EYS: variants seen among roughly 807,000 people sequenced by gnomAD.
EYS encodes EGF-like photoreceptor maintenance factor.
In EYS, 250 loss-of-function variants were observed where a neutral mutation model predicts 282.1. The ratio of observed to expected loss-of-function variants is 0.89; its 90% CI spans 0.80 to 0.98. The LOEUF is 0.98. EYS is among the 50% of genes least tolerant of loss of function. The pLI, the probability that EYS is intolerant of heterozygous loss-of-function variation, is 0.00. For missense variants in EYS, 4,016 were observed against 3,709.0 expected (o/e 1.08, Z -2.15); for synonymous variants, 1,355 against 1,282.9 (o/e 1.06, Z -1.20).
At chr6:63,870,249 C>T (rs1772768754) in intron 35 of EYS, among the ~76,000 whole-genome samples, 1 of 152,152 alleles carries the variant, frequency 6.6e-6, no homozygotes, top group South Asian at 2.1e-4. Context: ...AGCAAAGTGC[C>T]ATTTCACCCA....
At chr6:64,875,481 G>A (rs1197162988) in intron 19 of EYS, among the ~76,000 whole-genome samples, 1 of 152,060 alleles carries the variant, frequency 6.6e-6, no homozygotes, top group Non-Finnish European at 1.5e-5. Flanking sequence ...GAAATGAGCA[G>A]TTCTGAGTGG....
rs554830698 is a variant in EYS at position 64,101,644 on chromosome 6, T to C, written c.6425-19642A>G. 3.9e-4 allele frequency among the ~76,000 whole-genome samples: 59 copies of C among 151,024 alleles called. 1 individual carries two copies. The highest frequency in any genetic ancestry group is 9.8e-4 in the Admixed American group (15 of 15,250). On this transcript the variant is annotated intron_variant, in intron 31 of 42. Coordinates refer to ENST00000503581, the MANE Select transcript of EYS (RefSeq NM_001142800.2). ...GTAGAGTAATAGTCTAATAGTCTAG[T>C]TCCCATTTTTTTTGGCACCAGAGAC...
At chr6:64,671,475 T>C (rs367672856) in intron 22 of EYS, among the ~76,000 whole-genome samples, 20 of 152,270 alleles carry the variant, frequency 1.3e-4, no homozygotes, top group African/African-American at 4.8e-4. Context: ...AACAAATTTC[T>C]GTTGTTTATA....
chr6:65,218,457 G>C (rs2150257124), intron 12 of EYS, among the ~76,000 whole-genome samples: 2 of 152,218 alleles, frequency 1.3e-5, no homozygotes, highest in Middle Eastern at 6.8e-3. Context: ...TTTTGGATAT[G>C]TGAGTTTCTT....
At chr6:65,586,007 C>G (rs1412155169) in intron 2 of EYS, among the ~76,000 whole-genome samples, 1 of 151,902 alleles carries the variant, frequency 6.6e-6, no homozygotes, top group Non-Finnish European at 1.5e-5. Flanking sequence ...GGAGGAAAAT[C>G]AATATTTAAT....
intron 12 of EYS, among the ~76,000 whole-genome samples, chr6:65,088,727 G>A (rs1774459853): frequency 6.6e-6 from 1 of 152,138 alleles, no homozygotes; most frequent in African/African-American, 2.4e-5. Context: ...CCAAGACAAT[G>A]GGGTAACGTC....
chr6:65,653,857 T>A (rs1767734613), intron 1 of EYS, among the ~76,000 whole-genome samples: 1 of 151,888 alleles, frequency 6.6e-6, no homozygotes, highest in African/African-American at 2.4e-5. Context: ...ACATCTCACA[T>A]CCTTTGTGTC....
At chr6:65,442,186 A>C (rs2150393209) in intron 5 of EYS, among the ~76,000 whole-genome samples, 1 of 152,056 alleles carries the variant, frequency 6.6e-6, no homozygotes, top group South Asian at 2.1e-4. Context: ...ATATATGAAA[A>C]TTTCTAGCTC....
intron 31 of EYS, among the ~76,000 whole-genome samples, chr6:64,092,754 C>T (rs796304444): frequency 0.03 from 4,441 of 148,714 alleles, 222 homozygotes; most frequent in African/African-American, 0.1. Context: ...GCTCTTTAGT[C>T]TAATTAGATC....
At chr6:65,619,524 T>C (rs966981015) in intron 2 of EYS, among the ~76,000 whole-genome samples, 9 of 152,176 alleles carry the variant, frequency 5.9e-5, no homozygotes, top group African/African-American at 2.2e-4. Flanking sequence ...CTTCCTCTTT[T>C]CCTAATTGAA....
intron 16 of EYS, among the ~76,000 whole-genome samples, chr6:64,906,024 T>C (rs954175026): frequency 6.6e-6 from 1 of 151,490 alleles, no homozygotes; most frequent in Non-Finnish European, 1.5e-5. Context: ...ATCTAATTTC[T>C]CTGGATTTAA....
chr6:64,772,805 C>G (rs1402251605), intron 22 of EYS, among the ~76,000 whole-genome samples: 1 of 151,598 alleles, frequency 6.6e-6, no homozygotes, highest in Non-Finnish European at 1.5e-5. Context: ...AACATTATGT[C>G]TTTTAGTTTC....
chr6:65,218,435 G>A (rs1766373482), intron 12 of EYS, among the ~76,000 whole-genome samples: 1 of 152,062 alleles, frequency 6.6e-6, no homozygotes, highest in Non-Finnish European at 1.5e-5. Flanking sequence ...TTTTTTGAAT[G>A]TATGATTTTG....
intron 32 of EYS, 26 bp downstream of exon 32, chr6:64,081,830 C>A (rs1338213989): frequency 7.0e-7 from 1 of 1,435,892 alleles, no homozygotes; most frequent in Non-Finnish European, 9.4e-7. Flanking sequence ...ACATGACATA[C>A]AAGAAGTCAA....
chr6:65,387,153 T>G (rs1765830943), intron 7 of EYS, among the ~76,000 whole-genome samples: 1 of 151,998 alleles, frequency 6.6e-6, no homozygotes. Context: ...AAGCCAACAT[T>G]CATTAGTTAA....
At chr6:64,251,099 T>C (rs1767198091) in intron 30 of EYS, among the ~76,000 whole-genome samples, 1 of 152,172 alleles carries the variant, frequency 6.6e-6, no homozygotes, top group Non-Finnish European at 1.5e-5. Flanking sequence ...TATGAACGTT[T>C]ATTAATGGCT....
At chr6:64,924,628 CT>C (rs1168804791) in intron 15 of EYS, among the ~76,000 whole-genome samples, 9 of 152,188 alleles carry the variant, frequency 5.9e-5, no homozygotes, top group Non-Finnish European at 5.9e-5. Context: ...CCCAAGTCAC[CT>C]CTTGAATGCC....
intron 22 of EYS, among the ~76,000 whole-genome samples, chr6:64,665,490 A>T (rs190475659): frequency 3.7e-4 from 57 of 152,326 alleles, no homozygotes; most frequent in Non-Finnish European, 6.0e-4. Context: ...AAACAGCCCT[A>T]GTCACCATTA....
intron 29 of EYS, among the ~76,000 whole-genome samples, chr6:64,345,352 G>C (rs1021629966): frequency 7.2e-5 from 11 of 151,994 alleles, no homozygotes; most frequent in African/African-American, 2.7e-4. Context: ...CCAAAACAGA[G>C]ATGTAGACCA....
Sources: allele counts gnomAD v4.1 joint callset (sites outside exome capture counted in the v4.1 genomes callset), GRCh38; gene constraint gnomAD v4.1.1; transcripts MANE v1.5; gene names NCBI Gene and HGNC (gene_info 2026-07-23, HGNC 2026-07-21).